Variants in RIT2 observed in about 807,000 individuals in gnomAD.
RIT2 encodes the protein Ras like without CAAX 2, also known as GTP-binding protein Rit2.
Under a neutral mutation model 23.7 loss-of-function variants are expected in RIT2, and 24 were observed. That is an observed-to-expected ratio of 1.01 (90% CI 0.73 to 1.43). The LOEUF is 1.43. RIT2 is among the 40% of genes most tolerant of loss of function. RIT2 has a pLI of 0.00. For missense variants in RIT2, 236 were observed against 266.9 expected, an observed-to-expected ratio of 0.88 and a Z score of 0.81; for synonymous variants, 107 against 91.1, an observed-to-expected ratio of 1.17 and a Z score of -0.99.
chr18:42,994,267 C>T (rs1160938734), intron 2 of RIT2, among the ~76,000 whole-genome samples: 1 of 152,170 alleles, frequency 6.6e-6, no homozygotes, highest in Non-Finnish European at 1.5e-5. Context: ...GCCCCCGTTA[C>T]TTCAGTCAAG....
At chr18:42,778,345 G>A (rs916617692) in intron 4 of RIT2, among the ~76,000 whole-genome samples, 2 of 151,902 alleles carry the variant, frequency 1.3e-5, no homozygotes, top group African/African-American at 4.8e-5. Flanking sequence ...GTTAACCCTT[G>A]GAAATCTTAC....
intron 2 of RIT2, among the ~76,000 whole-genome samples, chr18:43,010,018 T>C (rs994488549): frequency 1.3e-5 from 2 of 151,824 alleles, no homozygotes; most frequent in African/African-American, 4.8e-5. Context: ...TGTTCATTTG[T>C]TCCAGAAAAG....
intron 3 of RIT2, among the ~76,000 whole-genome samples, chr18:42,958,979 A>C (rs916964873): frequency 1.3e-5 from 2 of 152,088 alleles, no homozygotes; most frequent in Admixed American, 6.6e-5. Flanking sequence ...TGCCTCCTGA[A>C]CTCAAGATCA....
At position 43,115,666 on chromosome 18, in the gene RIT2, T is replaced by TCC; in HGVS notation, c.-149_-148dup. 8.4e-7 allele frequency: 1 copy of TCC among 1,195,244 alleles called. No individual in the cohort carries two copies. The highest frequency in any genetic ancestry group is 1.1e-6 in the Non-Finnish European group (1 of 898,744). 74.0% of individuals were successfully genotyped at this position (1,195,244 alleles called of 1,614,324 possible). A position where few individuals can be genotyped will look rare whatever the true frequency, so the allele number is the denominator to read the frequency against. Reference sequence around the variant, plus strand: ...TCAGCGTCGGGCTGGCTGCTGGTCCTCCGCTCGAGCGGGTCTCATAGCAAC... The same window carrying TCC: ...TCAGCGTCGGGCTGGCTGCTGGTCCTCCCCGCTCGAGCGGGTCTCATAGCAAC... On this transcript the variant is annotated 5_prime_UTR_variant, in exon 1 of 5. The change abolishes the stop of an existing upstream ORF in the 5' untranslated region. Coordinates refer to ENST00000326695, the MANE Select transcript of RIT2 (RefSeq NM_002930.4).
intron 4 of RIT2, among the ~76,000 whole-genome samples, chr18:42,767,054 G>C (rs1913440530): frequency 6.6e-6 from 1 of 152,266 alleles, no homozygotes; most frequent in Non-Finnish European, 1.5e-5. Context: ...ACCTCTGCTA[G>C]GGTAGTGCAG....
intron 1 of RIT2, among the ~76,000 whole-genome samples, chr18:43,034,640 C>T (rs1382926996): frequency 2.6e-5 from 4 of 152,106 alleles, no homozygotes; most frequent in African/African-American, 9.7e-5. Flanking sequence ...TTAACAGACT[C>T]TCTCCTTGAG....
At chr18:42,835,347 T>C (rs898956994) in intron 4 of RIT2, among the ~76,000 whole-genome samples, 1 of 151,900 alleles carries the variant, frequency 6.6e-6, no homozygotes, top group Non-Finnish European at 1.5e-5. Context: ...ACTTATAACA[T>C]CATGTTCTAT....
intron 4 of RIT2, among the ~76,000 whole-genome samples, chr18:42,761,540 A>G (rs747258134): frequency 2.6e-5 from 4 of 152,182 alleles, no homozygotes; most frequent in Non-Finnish European, 4.4e-5. Flanking sequence ...CCAAATATTA[A>G]CTATTAACAA....
chr18:42,758,053 C>T (rs1336207733), intron 4 of RIT2, among the ~76,000 whole-genome samples: 1 of 150,546 alleles, frequency 6.6e-6, no homozygotes, highest in Non-Finnish European at 1.5e-5. Flanking sequence ...CCACCTTTTT[C>T]CTATATTTTT....
chr18:42,939,908 G>C (rs1279258559), intron 3 of RIT2, among the ~76,000 whole-genome samples: 1 of 151,926 alleles, frequency 6.6e-6, no homozygotes, highest in Non-Finnish European at 1.5e-5. Context: ...AGACGGATTT[G>C]CTTGAGAAAA....
rs148177191 is a variant in RIT2 at position 42,956,221 on chromosome 18, C to G, written c.234+17853G>C. On this transcript the variant is annotated intron_variant, in intron 3 of 4. Coordinates refer to ENST00000326695, the MANE Select transcript of RIT2 (RefSeq NM_002930.4). ...TTAGCACCAAAAGAGCAATGCTAAT[C>G]TCTACCCACACTCCACATCTCTGCT... 8.9e-4 allele frequency among the ~76,000 whole-genome samples: 135 copies of G among 152,264 alleles called. 1 individual carries two copies. Among genetic ancestry groups the G allele is most frequent in the Admixed American group, 1.7e-3 (26 of 15,278 alleles).
intron 4 of RIT2, among the ~76,000 whole-genome samples, chr18:42,802,115 T>C (rs1319142614): frequency 6.6e-6 from 1 of 152,154 alleles, no homozygotes; most frequent in African/African-American, 2.4e-5. Flanking sequence ...TAGGATATCA[T>C]AGTCAGAATT....
chr18:42,910,243 C>T (rs1908732594), intron 4 of RIT2, among the ~76,000 whole-genome samples: 1 of 151,906 alleles, frequency 6.6e-6, no homozygotes, highest in South Asian at 2.1e-4. Flanking sequence ...AGACATAGGC[C>T]CTAATCTATC....
At chr18:43,026,879 T>A (rs1259698360) in intron 2 of RIT2, among the ~76,000 whole-genome samples, 1 of 151,314 alleles carries the variant, frequency 6.6e-6, no homozygotes, top group Non-Finnish European at 1.5e-5. Context: ...CTGAAGACAA[T>A]CACCAATGAA....
chr18:42,756,000 A>C (rs1039168206), intron 4 of RIT2, among the ~76,000 whole-genome samples: 4 of 152,044 alleles, frequency 2.6e-5, no homozygotes, highest in Non-Finnish European at 5.9e-5. Flanking sequence ...AATAGGAAGG[A>C]GTCTCGGTAA....
chr18:42,967,313 G>A (rs1239623510), intron 3 of RIT2, among the ~76,000 whole-genome samples: 1 of 151,712 alleles, frequency 6.6e-6, no homozygotes, highest in African/African-American at 2.4e-5. Flanking sequence ...TTTTTTTCCT[G>A]AGTCAATACA....
At chr18:42,822,003 G>T (rs1906165310) in intron 4 of RIT2, among the ~76,000 whole-genome samples, 1 of 152,120 alleles carries the variant, frequency 6.6e-6, no homozygotes, top group African/African-American at 2.4e-5. Flanking sequence ...GATCAGAAAA[G>T]ACCTGATATA....
chr18:43,108,347 C>T (rs182745838), intron 1 of RIT2, among the ~76,000 whole-genome samples: 2 of 149,300 alleles, frequency 1.3e-5, no homozygotes, highest in Non-Finnish European at 3.0e-5. Context: ...GGCCATATTA[C>T]GTGTGTGTGT....
chr18:42,816,428 T>C (rs16976963), intron 4 of RIT2, among the ~76,000 whole-genome samples: 5,875 of 152,220 alleles, frequency 0.039, 353 homozygotes, highest in African/African-American at 0.13. Context: ...AGTATTGTTA[T>C]TGAAGTGCGC....
Sources: allele counts gnomAD v4.1 joint callset (sites outside exome capture counted in the v4.1 genomes callset), GRCh38; gene constraint gnomAD v4.1.1; transcripts MANE v1.5; gene names NCBI Gene and HGNC (gene_info 2026-07-23, HGNC 2026-07-21).